The following CACNA1S variants were observed in gnomAD, a reference collection of about 807,000 sequenced individuals.
The protein encoded by CACNA1S is calcium voltage-gated channel subunit alpha1 S, also known as voltage-dependent L-type calcium channel subunit alpha-1S.
CACNA1S carries 126 observed loss-of-function variants against 207.4 expected under a neutral mutation model. The ratio of observed to expected loss-of-function variants is 0.61; its 90% CI spans 0.53 to 0.70. CACNA1S has a LOEUF of 0.70. Ranked by LOEUF, CACNA1S falls within the 30% of genes least tolerant of loss-of-function variation. The pLI is 0.00. For missense variants in CACNA1S, 2,349 were observed against 2,422.8 expected, an observed-to-expected ratio of 0.97 and a Z score of 0.64; for synonymous variants, 960 against 932.7, an observed-to-expected ratio of 1.03 and a Z score of -0.53.
intron 2 of CACNA1S, among the ~76,000 whole-genome samples, chr1:201,102,885 C>T (rs1025552599): frequency 1.1e-4 from 17 of 152,120 alleles, no homozygotes; most frequent in Admixed American, 5.9e-4. Context: ...CTTTGCCCCC[C>T]GAGGCTTGGG....
At chr1:201,085,403 G>A in intron 8 of CACNA1S, 33 bp downstream of exon 8, 1 of 1,613,720 alleles carries the variant, frequency 6.2e-7, no homozygotes, top group African/African-American at 1.3e-5. Flanking sequence ...GAGAGAGTGG[G>A]GTGAGTGCTG....
At chr1:201,099,875 C>T (rs1326057772) in intron 2 of CACNA1S, among the ~76,000 whole-genome samples, 2 of 152,188 alleles carry the variant, frequency 1.3e-5, no homozygotes, top group African/African-American at 4.8e-5. Flanking sequence ...TTTTCAAAGC[C>T]TGAGAATCAC....
chr1:201,040,535 G>T, intron 42 of CACNA1S, 87 bp downstream of exon 42: 1 of 1,432,140 alleles, frequency 7.0e-7, no homozygotes. Flanking sequence ...TGCTGCCACA[G>T]CCTTCCCCTG....
At chr1:201,104,283 A>G (rs115191092) in intron 2 of CACNA1S, among the ~76,000 whole-genome samples, 1,563 of 152,140 alleles carry the variant, frequency 0.01, 35 homozygotes, top group African/African-American at 0.036. Flanking sequence ...AGTAGGACAC[A>G]TCTCCGCCCC....
intron 14 of CACNA1S, among the ~76,000 whole-genome samples, chr1:201,074,109 C>G (rs1416424005): frequency 2.0e-5 from 3 of 152,196 alleles, no homozygotes; most frequent in Non-Finnish European, 4.4e-5. Context: ...GTACTTGAAG[C>G]ATAATCCTCC....
intron 28 of CACNA1S, among the ~76,000 whole-genome samples, chr1:201,055,912 TG>T (rs1660823387): frequency 1.3e-5 from 2 of 152,220 alleles, no homozygotes; most frequent in South Asian, 4.1e-4. Context: ...ATTTTTAGTT[TG>T]GGCTGTTTAT....
intron 7 of CACNA1S, among the ~76,000 whole-genome samples, chr1:201,087,512 G>A (rs1662073108): frequency 6.6e-6 from 1 of 152,108 alleles, no homozygotes; most frequent in Non-Finnish European, 1.5e-5. Context: ...GTGAGAATGG[G>A]GGAAGACTTG....
chr1:201,095,121 G>GGTGTGGGT (rs111830871), intron 2 of CACNA1S, among the ~76,000 whole-genome samples: 2 of 148,860 alleles, frequency 1.3e-5, no homozygotes, highest in Non-Finnish European at 3.0e-5. Context: ...AGCTCCAGGA[G>GGTGTGGGT]GTGTGTGTGT....
At chr1:201,089,160 A>T in intron 6 of CACNA1S, 98 bp downstream of exon 6, 1 of 1,117,070 alleles carries the variant, frequency 9.0e-7, no homozygotes, top group South Asian at 1.3e-5. Flanking sequence ...CAAGTCAGAG[A>T]CTGGCCTCCT....
chr1:201,074,959 C>T (rs549382318), intron 13 of CACNA1S, among the ~76,000 whole-genome samples: 19 of 152,344 alleles, frequency 1.2e-4, no homozygotes, highest in African/African-American at 4.6e-4. Context: ...CCCTTCCTCC[C>T]CACTCCCCAT....
chr1:201,099,678 C>A (rs1003814999), intron 2 of CACNA1S, among the ~76,000 whole-genome samples: 3 of 152,176 alleles, frequency 2.0e-5, no homozygotes, highest in African/African-American at 7.2e-5. Flanking sequence ...AATGTCCCCT[C>A]CCTCTTAGGA....
chr1:201,083,394 G>C (rs1661914711), intron 9 of CACNA1S, 72 bp from the exon 10 acceptor site: 1 of 1,530,306 alleles, frequency 6.5e-7, no homozygotes, highest in South Asian at 1.1e-5. Context: ...GCTACCTTCA[G>C]ACAAACTCCA....
At position 201,048,613 on chromosome 1, in the gene CACNA1S, C is replaced by G. The variant is rs773549090; in HGVS notation, c.4410G>C (p.Leu1470=). ...TCTTGATCTTGAGTGCCGTGCGGAC[C>G]AGGGCAAAGAGTGTGGCATTGAAGG... ...TVTFNATLFA[L]VRTALKIKTE... The change falls in exon 36 of 44, where the codon CTG becomes CTC. Residue 1470 remains leucine, a synonymous_variant. Transcript: ENST00000362061. The G allele has an allele frequency of 6.2e-7, 1 of 1,614,024 alleles. No individual in the cohort carries two copies. Among genetic ancestry groups the G allele is most frequent in the East Asian group, 2.2e-5 (1 of 44,874 alleles).
chr1:201,070,994 C>G (rs1256923381), intron 16 of CACNA1S, among the ~76,000 whole-genome samples: 1 of 152,180 alleles, frequency 6.6e-6, no homozygotes, highest in African/African-American at 2.4e-5. Context: ...CACCCAGTCC[C>G]CAGGATGCAG....
At chr1:201,089,143 G>T in intron 6 of CACNA1S, 115 bp downstream of exon 6, 1 of 917,200 alleles carries the variant, frequency 1.1e-6, no homozygotes, top group Non-Finnish European at 1.8e-6. Context: ...AGGGAGCTGT[G>T]GTCACGCAAG....
At chr1:201,059,411 G>A (rs948444498) in intron 26 of CACNA1S, 112 bp from the exon 27 acceptor site, 11 of 659,966 alleles carry the variant, frequency 1.7e-5, no homozygotes, top group Admixed American at 5.2e-5. Context: ...CCTTTCTTGG[G>A]CCCCCTGCTC....
Position 201,091,634 on chromosome 1 carries a change from G to T in CACNA1S, c.694+6C>A. 6.2e-7 allele frequency: 1 copy of T among 1,614,132 alleles called. No individual in the cohort carries two copies. Among genetic ancestry groups the T allele is most frequent in the Non-Finnish European group, 8.5e-7 (1 of 1,179,978 alleles). ...CCCCACAGCCCCACTTTCCCTGGGA[G>T]CTCACCTGTACCAATGAAGTAGCAG... is the stretch of plus-strand genomic sequence containing the variant. On this transcript the variant is annotated splice_donor_region_variant and intron_variant, in intron 5 of 43. Transcript: ENST00000362061.
At chr1:201,086,124 G>A (rs923365127) in intron 7 of CACNA1S, among the ~76,000 whole-genome samples, 9 of 152,198 alleles carry the variant, frequency 5.9e-5, no homozygotes, top group African/African-American at 1.7e-4. Context: ...CACCTGCCCC[G>A]CAGGGCAGGA....
chr1:201,043,738 C>T (rs189748208), intron 39 of CACNA1S, among the ~76,000 whole-genome samples: 217 of 152,248 alleles, frequency 1.4e-3, no homozygotes, highest in South Asian at 3.1e-3. Flanking sequence ...AGACAGCACA[C>T]ACCTAAGGAG....
Sources: allele counts gnomAD v4.1 joint callset (sites outside exome capture counted in the v4.1 genomes callset), GRCh38; gene constraint gnomAD v4.1.1; transcripts MANE v1.5; gene names NCBI Gene and HGNC (gene_info 2026-07-23, HGNC 2026-07-21).